TSR1: variants seen among roughly 807,000 people sequenced by gnomAD.
TSR1 encodes TSR1 ribosome maturation factor, also known as pre-rRNA-processing protein TSR1 homolog.
A neutral mutation model predicts 90.9 loss-of-function variants in TSR1; 81 were observed. The ratio of observed to expected loss-of-function variants is 0.89; its 90% CI spans 0.74 to 1.07. The LOEUF is 1.07. Ranked by LOEUF, TSR1 falls within the 50% of genes least tolerant of loss-of-function variation. The pLI is 0.00. For missense variants in TSR1, 989 were observed against 987.3 expected (o/e 1.00, Z -0.02); for synonymous variants, 362 against 348.8 (o/e 1.04, Z -0.42).
At chr17:2,335,222 A>G in intron 4 of TSR1, 38 bp downstream of exon 4, 1 of 1,602,590 alleles carries the variant, frequency 6.2e-7, no homozygotes, top group Non-Finnish European at 8.5e-7. Context: ...ATAGTGCCTG[A>G]CAAATTAAAG....
In TSR1 at chr17:2,322,678, T is replaced by G. The variant is rs28572614; in HGVS notation, c.*1518A>C. ...ACCATGCCTGGCTAGTTTTTTTTTGTTTTTTTTTTTTGTATTTTTAGTAGA... is the reference window on the plus strand; with the variant it reads ...ACCATGCCTGGCTAGTTTTTTTTTGGTTTTTTTTTTTGTATTTTTAGTAGA... On this transcript the variant is annotated 3_prime_UTR_variant, in exon 15 of 15. Transcript: ENST00000301364. 1,485 of 22,620 alleles carry G rather than the reference T, an allele frequency of 0.066. 30 individuals are homozygous for G. The highest frequency in any genetic ancestry group is 0.17 in the Middle Eastern group (8 of 48). The allele number at this position is 22,620 out of a possible 1,614,324, so 1.4% of individuals were successfully genotyped here.
chr17:2,323,894 G>A lies in TSR1; in HGVS notation c.*302C>T, dbSNP rs1294118196. ...TTTAATTTACAGAAAAGGAAATGGT[G>A]GGAATTCAGTGTCTTTAGATACTGA... On this transcript the variant is annotated 3_prime_UTR_variant, in exon 15 of 15. Transcript: ENST00000301364. The A allele has an allele frequency of 6.2e-7, 1 of 1,604,990 alleles. No homozygotes were observed. Among genetic ancestry groups the A allele is most frequent in the Admixed American group, 1.7e-5 (1 of 59,858 alleles).
intron 12 of TSR1, 125 bp from the exon 13 acceptor site, chr17:2,324,954 G>A: frequency 9.2e-7 from 1 of 1,081,890 alleles, no homozygotes; most frequent in Non-Finnish European, 1.3e-6. Flanking sequence ...CCAATCTGAG[G>A]CTAAGATTGG....
rs1211575127 is a variant in TSR1 at position 2,335,389 on chromosome 17, G to C, written c.427C>G (p.Leu143Val). Residue 143 changes from leucine (L) to valine (V), a missense_variant, in exon 4 of 15, where the codon CTG becomes GTG. Transcript: ENST00000301364. ...TTAGCCATGTCTAACACAACGTGCA[G>C]ATCCCCTGCAGATAGAAGACACAGT... The part of the protein sequence containing the change: ...WFFTSARPGD[L>V]HVVLDMAKVA... The C allele has an allele frequency of 1.9e-6, 3 of 1,611,686 alleles. No individual in the cohort carries two copies. In the African/African-American group the frequency reaches 4.0e-5, roughly 22 times the overall value.
Position 2,332,977 on chromosome 17 carries a change from A to T in TSR1, c.1289T>A (p.Met430Lys). ...EYDDMEHEDF[M>K]EEESQDESSE... ...TTTCCTTACCTGAGATTCCTCCTCCATAAAATCCTCATGTTCCATATCATC... is the reference window on the plus strand; with the variant it reads ...TTTCCTTACCTGAGATTCCTCCTCCTTAAAATCCTCATGTTCCATATCATC... The change falls in exon 7 of 15, where the codon ATG becomes AAG. Residue 430 changes from methionine to lysine, a missense_variant. Met to Lys is a moderately conservative substitution (Grantham distance 95, BLOSUM62 -1). Transcript: ENST00000301364. 1 of 1,613,850 alleles carries T rather than the reference A, an allele frequency of 6.2e-7. No homozygotes were observed. The highest frequency in any genetic ancestry group is 8.5e-7 in the Non-Finnish European group (1 of 1,179,878).
Position 2,325,306 on chromosome 17 carries a change from T to C in TSR1, c.2018A>G (p.Asn673Ser), listed in dbSNP as rs751868658. Reference sequence around the variant, plus strand: ...TTCATCTCTGTGGCTCAACTTACCATTGCTTTTTTGCTTGAAAAGCAGCAC... The same window carrying C: ...TTCATCTCTGTGGCTCAACTTACCACTGCTTTTTTGCTTGAAAAGCAGCAC... ...ASVLLFKQKS[N>S]GMHSLIATGH... The change falls in exon 12 of 15, where the codon AAT becomes AGT. Residue 673 changes from asparagine to serine, a missense_variant and splice_region_variant. Transcript: ENST00000301364. The C allele has an allele frequency of 5.0e-6, 8 of 1,610,486 alleles. No homozygotes were observed. The highest frequency in any genetic ancestry group is 2.2e-5 in the East Asian group (1 of 44,804).
At chr17:2,325,068 C>T in intron 12 of TSR1, 2 of 598,666 alleles carry the variant, frequency 3.3e-6, no homozygotes, top group East Asian at 2.9e-5. Flanking sequence ...TCAGTTGTTA[C>T]AAGGAAAGGA....
At chr17:2,327,965 G>C (rs1268610854) in intron 11 of TSR1, among the ~76,000 whole-genome samples, 1 of 151,866 alleles carries the variant, frequency 6.6e-6, no homozygotes, top group Non-Finnish European at 1.5e-5. Flanking sequence ...ATAAAAGAAT[G>C]ACTGGCCAGG....
Position 2,324,948 on chromosome 17 carries a change from T to A in TSR1, c.2021-119A>T, listed in dbSNP as rs546110899. On this transcript the variant is annotated intron_variant, in intron 12 of 14. Transcript: ENST00000301364. ...GTTTGTCATCCCTGCCCTAGCCCAA[T>A]CTGAGGCTAAGATTGGTAAACTGTA... is the stretch of plus-strand genomic sequence containing the variant. The A allele has an allele frequency of 7.7e-6, 9 of 1,174,662 alleles. No individual in the cohort carries two copies. In the East Asian group the frequency reaches 2.0e-4, roughly 27 times the overall value. The allele number at this position is 1,174,662 out of a possible 1,614,324, so 72.8% of individuals were successfully genotyped here. A position where few individuals can be genotyped will look rare whatever the true frequency, so the allele number is the denominator to read the frequency against.
chr17:2,322,966 G>A lies in TSR1; in HGVS notation c.*1230C>T, dbSNP rs2075545623. ...TTTTAGTTGACACTGCATTTCACCA[G>A]GTTGGCCAGGCTGGTCTTGAACTCC... On this transcript the variant is annotated 3_prime_UTR_variant, in exon 15 of 15. Coordinates refer to ENST00000301364, the MANE Select transcript of TSR1 (RefSeq NM_018128.5). 3.2e-6 allele frequency: 2 copies of A among 615,850 alleles called. No individual in the cohort carries two copies. Among genetic ancestry groups the A allele is most frequent in the Admixed American group, 5.9e-5 (2 of 34,100 alleles). The allele number at this position is 615,850 out of a possible 1,614,324, so 38.1% of individuals were successfully genotyped here.
intron 11 of TSR1, among the ~76,000 whole-genome samples, chr17:2,327,008 G>A (rs1452534316): frequency 6.6e-6 from 1 of 152,152 alleles, no homozygotes; most frequent in Non-Finnish European, 1.5e-5. Context: ...GGGAGGCTGA[G>A]GCAGGAGAAT....
rs1269375997 is a variant in TSR1, at chr17:2,325,901, G to A, written c.1904-481C>T. ...GCTGGGATTACAGGCGTGAGCCACC[G>A]CGCCAGGCTGTATCAGTAACTTTTT... is the stretch of plus-strand genomic sequence containing the variant. On this transcript the variant is annotated intron_variant, in intron 11 of 14. Coordinates refer to ENST00000301364, the MANE Select transcript of TSR1 (RefSeq NM_018128.5). Among the ~76,000 whole-genome samples the A allele has an allele frequency of 1.3e-4, 20 of 152,090 alleles. No homozygotes were observed. The East Asian group carries it at 2.7e-3, about 21-fold the overall frequency.
At chr17:2,335,202 A>C in intron 4 of TSR1, 58 bp downstream of exon 4, 1 of 1,542,286 alleles carries the variant, frequency 6.5e-7, no homozygotes, top group Non-Finnish European at 8.9e-7. Flanking sequence ...TCCTGTATCA[A>C]ATACCAGGCA....
chr17:2,330,538 A>G lies in TSR1; in HGVS notation c.1747T>C (p.Ser583Pro), dbSNP rs1255108836. 1.2e-6 allele frequency: 2 copies of G among 1,614,090 alleles called. No homozygotes were observed. Among genetic ancestry groups the G allele is most frequent in the South Asian group, 1.1e-5 (1 of 91,082 alleles). The change falls in exon 10 of 15, where the codon TCT (serine) becomes CCT (proline). Residue 583 changes from serine (S) to proline (P), a missense_variant. Coordinates refer to ENST00000301364, the MANE Select transcript of TSR1 (RefSeq NM_018128.5). ...FRQGTPLIAF[S>P]LLPHEQKMSV... is the part of the protein sequence containing the mutation. Reference sequence around the variant, plus strand: ...ACCTTCTGTTCATGAGGTAGTAAAGAAAATGCAATCAAGGGTGTTCCTTGC... The same window carrying G: ...ACCTTCTGTTCATGAGGTAGTAAAGGAAATGCAATCAAGGGTGTTCCTTGC...
At chr17:2,328,047 A>G (rs2075584696) in intron 11 of TSR1, among the ~76,000 whole-genome samples, 2 of 151,710 alleles carry the variant, frequency 1.3e-5, no homozygotes, top group Admixed American at 6.6e-5. Context: ...GGTCGAGACC[A>G]GCCTGGCCAG....
chr17:2,325,340 G>A lies in TSR1; in HGVS notation c.1984C>T (p.Pro662Ser), dbSNP rs770417354. ...TGCTTGAAAAGCAGCACAGATGCAG[G>A]AGGAAAAGTGATTGGCGCATAGACT... ...ATVYAPITFP[P>S]ASVLLFKQKS... Residue 662 changes from proline to serine, a missense_variant, in exon 12 of 15, where the codon CCT (proline) becomes TCT (serine). Pro to Ser is a moderately conservative substitution (Grantham distance 74). Transcript: ENST00000301364. 1 of 1,613,468 alleles carries A rather than the reference G, an allele frequency of 6.2e-7. No homozygotes were observed. The highest frequency in any genetic ancestry group is 8.5e-7 in the Non-Finnish European group (1 of 1,179,914).
Position 2,323,041 on chromosome 17 carries a change from A to C in TSR1, c.*1155T>G. 8 of 1,289,992 alleles carry C rather than the reference A, an allele frequency of 6.2e-6. No individual in the cohort carries two copies. The highest frequency in any genetic ancestry group is 8.9e-6 in the Non-Finnish European group (8 of 903,632). The allele number at this position is 1,289,992 out of a possible 1,614,324, so 79.9% of individuals were successfully genotyped here. A position where few individuals can be genotyped will look rare whatever the true frequency, so the allele number is the denominator to read the frequency against. ...CGGGCTCCCAAAGTGTTGGGATTAC[A>C]GGTGTGAGCCACCACACCAGGCCCA... is the stretch of plus-strand genomic sequence containing the variant. On this transcript the variant is annotated 3_prime_UTR_variant, in exon 15 of 15. Coordinates refer to ENST00000301364, the MANE Select transcript of TSR1 (RefSeq NM_018128.5).
intron 10 of TSR1, 75 bp downstream of exon 10, chr17:2,330,440 A>G (rs2075598241): frequency 7.1e-7 from 1 of 1,410,746 alleles, no homozygotes; most frequent in African/African-American, 1.4e-5. Flanking sequence ...AGTCACACAT[A>G]AACAGAATTT....
chr17:2,334,512 C>T lies in TSR1; in HGVS notation c.941G>A (p.Arg314Lys). 1 of 1,614,086 alleles carries T rather than the reference C, an allele frequency of 6.2e-7. No individual in the cohort carries two copies. The highest frequency in any genetic ancestry group is 8.5e-7 in the Non-Finnish European group (1 of 1,180,010). The change falls in exon 5 of 15, where the codon AGA (arginine) becomes AAA (lysine). Residue 314 changes from arginine to lysine, a missense_variant. Physicochemically the swap from Arg to Lys is conservative, Grantham distance 26. Transcript: ENST00000301364. ...APGDPFPLNPRGIKPQKDPDM... is the reference protein window; with the variant it reads ...APGDPFPLNPKGIKPQKDPDM... ...TGGGTCCTTTTGGGGTTTAATTCCT[C>T]TAGGATTTAAAGGGAAAGGGTCTCC...
Sources: allele counts gnomAD v4.1 joint callset (sites outside exome capture counted in the v4.1 genomes callset), GRCh38; gene constraint gnomAD v4.1.1; transcripts MANE v1.5; gene names NCBI Gene and HGNC (gene_info 2026-07-23, HGNC 2026-07-21).